RYR2: variants seen among roughly 807,000 people sequenced by gnomAD.
RYR2 encodes cardiac muscle ryanodine receptor-calcium release channel.
Under a neutral mutation model 601.1 loss-of-function variants are expected in RYR2, and 227 were observed. The observed-to-expected ratio is 0.38, with a 90% confidence interval of 0.34 to 0.42. The LOEUF (loss-of-function observed/expected upper bound fraction) is 0.42, where lower values mean the gene tolerates loss of function less well. RYR2 is among the 10% of genes least tolerant of loss of function. RYR2 has a pLI of 1.00. For missense variants in RYR2, 4,646 were observed against 6,156.5 expected, an observed-to-expected ratio of 0.75 and a Z score of 8.21; for synonymous variants, 2,223 against 2,175.1, an observed-to-expected ratio of 1.02 and a Z score of -0.61.
At position 237,315,219 on chromosome 1, in the gene RYR2, C is replaced by A. The variant is rs1050714572; in HGVS notation, c.169-15659C>A. Among the ~76,000 whole-genome samples, 6 of 152,066 alleles carry A rather than the reference C, an allele frequency of 3.9e-5. No individual in the cohort carries two copies. In the East Asian group the frequency reaches 7.7e-4, roughly 20 times the overall value. On this transcript the variant is annotated intron_variant, in intron 2 of 104. Transcript: ENST00000366574. Reference sequence around the variant, plus strand: ...CTCCAAGCTTCTACCTGTATGTGAACGAATTGGGTGTATATTTCCTACAAG... The same window carrying A: ...CTCCAAGCTTCTACCTGTATGTGAAAGAATTGGGTGTATATTTCCTACAAG...
intron 71 of RYR2, among the ~76,000 whole-genome samples, chr1:237,716,817 T>C (rs1689301548): frequency 6.6e-6 from 1 of 151,894 alleles, no homozygotes; most frequent in Non-Finnish European, 1.5e-5. Flanking sequence ...AAGCAAGCAT[T>C]TGTCAAAACA....
intron 1 of RYR2, among the ~76,000 whole-genome samples, chr1:237,218,368 C>T (rs1039165728): frequency 3.9e-5 from 6 of 152,058 alleles, no homozygotes; most frequent in African/African-American, 1.2e-4. Flanking sequence ...AATCATTGAA[C>T]ACCTACTGTG....
intron 36 of RYR2, among the ~76,000 whole-genome samples, chr1:237,612,165 C>T (rs1057397811): frequency 5.1e-4 from 78 of 152,118 alleles, no homozygotes; most frequent in Admixed American, 1.3e-3. Flanking sequence ...AAACCAGTCA[C>T]GGAAGTATAT....
chr1:237,690,651 C>T (rs914154775), intron 63 of RYR2, among the ~76,000 whole-genome samples: 2 of 152,080 alleles, frequency 1.3e-5, no homozygotes, highest in African/African-American at 4.8e-5. Flanking sequence ...CACTTGAGCT[C>T]GGGAGTTCAA....
intron 10 of RYR2, among the ~76,000 whole-genome samples, chr1:237,401,509 A>G (rs1436171358): frequency 6.7e-6 from 1 of 150,210 alleles, no homozygotes; most frequent in Admixed American, 6.6e-5. Flanking sequence ...AAGGCTACAC[A>G]TCAGACCAGC....
intron 28 of RYR2, among the ~76,000 whole-genome samples, chr1:237,567,631 C>T (rs1572904102): frequency 1.3e-5 from 2 of 151,518 alleles, no homozygotes; most frequent in Middle Eastern, 6.8e-3. Flanking sequence ...GGTATATATG[C>T]TTATAGCCAC....
rs1312957927 is a variant in RYR2 at position 237,405,239 on chromosome 1, A to C, written c.774-11810A>C. On this transcript the variant is annotated intron_variant, in intron 10 of 104. Transcript: ENST00000366574. ...ATTGTAGAGATGAGGAGCATCTAGC[A>C]AAGGATGCAACTGCCAGTGATGTAG... Among the ~76,000 whole-genome samples the C allele has an allele frequency of 2.0e-5, 3 of 152,208 alleles. No individual in the cohort carries two copies. The East Asian group carries it at 5.8e-4, about 29-fold the overall frequency.
At chr1:237,591,589 A>T in intron 31 of RYR2, 150 bp from the exon 32 acceptor site, 1 of 647,528 alleles carries the variant, frequency 1.5e-6, no homozygotes, top group South Asian at 1.8e-5. Context: ...AACTGTGAGA[A>T]CCAAAAACAT....
At chr1:237,580,238 C>A (rs886321951) in intron 29 of RYR2, among the ~76,000 whole-genome samples, 17 of 150,406 alleles carry the variant, frequency 1.1e-4, no homozygotes, top group African/African-American at 4.2e-4. Context: ...TCACTGGAAC[C>A]TCCACCTCCC....
chr1:237,458,216 T>A (rs1391008560), intron 16 of RYR2, among the ~76,000 whole-genome samples: 1 of 152,102 alleles, frequency 6.6e-6, no homozygotes, highest in African/African-American at 2.4e-5. Flanking sequence ...TTACCTGAGG[T>A]CAGGATTTCG....
chr1:237,315,024 C>CA (rs567096547), intron 2 of RYR2, among the ~76,000 whole-genome samples: 3 of 151,790 alleles, frequency 2.0e-5, no homozygotes, highest in South Asian at 2.1e-4. Context: ...TGGTATTTGC[C>CA]AAAAAAATAA....
intron 33 of RYR2, among the ~76,000 whole-genome samples, chr1:237,594,901 T>TTTTTG (rs1559084144): frequency 6.4e-4 from 13 of 20,256 alleles, no homozygotes; most frequent in Non-Finnish European, 7.6e-4. Flanking sequence ...TTTTTTTTTT[T>TTTTTG]TTTTTTTTTT....
At chr1:237,724,318 A>G (rs1035086279) in intron 74 of RYR2, among the ~76,000 whole-genome samples, 3 of 150,578 alleles carry the variant, frequency 2.0e-5, no homozygotes, top group African/African-American at 7.3e-5. Flanking sequence ...GCAATAATAA[A>G]CATTTTGCTT....
intron 56 of RYR2, among the ~76,000 whole-genome samples, chr1:237,665,281 C>T (rs1184809140): frequency 6.6e-6 from 1 of 151,872 alleles, no homozygotes; most frequent in African/African-American, 2.4e-5. Flanking sequence ...TGCCTGTAAT[C>T]CCAGCTACTC....
At position 237,655,903 on chromosome 1, in the gene RYR2, C is replaced by T. The variant is rs776621043; in HGVS notation, c.8048C>T (p.Ser2683Leu). ...GCTTTGCCTCCAGACTACATGGAGT[C>T]AAATTATGTCAGTATGATGGAAAAA... is the stretch of plus-strand genomic sequence containing the variant. Reference protein sequence around the residue: ...AGALPPDYMESNYVSMMEKQS... With the variant: ...AGALPPDYMELNYVSMMEKQS... Residue 2683 changes from serine to leucine, a missense_variant, in exon 53 of 105, where the codon TCA (serine) becomes TTA (leucine). By Grantham distance (145) the Ser-to-Leu change is moderately radical. Around this residue, in one of 17 missense-constraint regions of RYR2, gnomAD observed 1,497 missense variants for 1,842.6 expected, o/e 0.81. Coordinates refer to ENST00000366574, the MANE Select transcript of RYR2 (RefSeq NM_001035.3). The T allele has an allele frequency of 6.2e-7, 1 of 1,611,834 alleles. No homozygotes were observed. Among genetic ancestry groups the T allele is most frequent in the Non-Finnish European group, 8.5e-7 (1 of 1,178,918 alleles).
At chr1:237,096,656 C>T (rs1037532984) in intron 1 of RYR2, among the ~76,000 whole-genome samples, 3 of 152,122 alleles carry the variant, frequency 2.0e-5, no homozygotes, top group Non-Finnish European at 4.4e-5. Context: ...CTAAGCCATT[C>T]ATTATTTTTA....
chr1:237,184,051 G>A (rs1418442091), intron 1 of RYR2, among the ~76,000 whole-genome samples: 1 of 152,162 alleles, frequency 6.6e-6, no homozygotes, highest in African/African-American at 2.4e-5. Context: ...AATCCTTTCC[G>A]CATATGTTGT....
rs534365221 is a variant in RYR2 at position 237,797,218 on chromosome 1, T to A, written c.13957-819T>A. On this transcript the variant is annotated intron_variant, in intron 96 of 104. Transcript: ENST00000366574. ...ACATCCAAGCCCTGCTCTAAAAACATGACAAATGGGCAAAGCCAGGCAGAT... is the reference window on the plus strand; with the variant it reads ...ACATCCAAGCCCTGCTCTAAAAACAAGACAAATGGGCAAAGCCAGGCAGAT... Among the ~76,000 whole-genome samples, 35 of 152,028 alleles carry A rather than the reference T, an allele frequency of 2.3e-4. No individual in the cohort carries two copies. The South Asian group carries it at 7.1e-3, about 31-fold the overall frequency.
intron 1 of RYR2, among the ~76,000 whole-genome samples, chr1:237,200,050 A>T (rs562068218): frequency 6.6e-6 from 1 of 152,272 alleles, no homozygotes; most frequent in African/African-American, 2.4e-5. Context: ...GAACTGTATG[A>T]GATAGGTCTG....
Sources: gnomAD v4.1 joint callset for allele counts (sites outside exome capture counted in the v4.1 genomes callset) on GRCh38, gnomAD v4.1.1 for gene constraint, gnomAD v4.1.1 regional missense constraint, MANE v1.5 for transcripts, NCBI Gene and HGNC (gene_info 2026-07-23, HGNC 2026-07-21) for gene names.